The following CCDC171 variants were observed in gnomAD, a reference collection of about 807,000 sequenced individuals.
CCDC171 encodes the protein coiled-coil domain containing 171, also known as coiled-coil domain-containing protein 171.
CCDC171 carries 177 observed loss-of-function variants against 168.2 expected under a neutral mutation model. That is an observed-to-expected ratio of 1.05 (90% CI 0.93 to 1.19). CCDC171 has a LOEUF of 1.19. Ranked by LOEUF, CCDC171 falls within the 50% of genes most tolerant of loss-of-function variation. The probability of loss-of-function intolerance (pLI) is 0.00; values close to 1 mark genes in which losing one functional copy is unlikely to be tolerated. For synonymous variants in CCDC171, 687 were observed against 540.8 expected, an observed-to-expected ratio of 1.27 and a Z score of -3.75; for missense variants, 1,991 against 1,539.0, an observed-to-expected ratio of 1.29 and a Z score of -4.91.
intron 21 of CCDC171, among the ~76,000 whole-genome samples, chr9:15,790,732 C>G (rs1387881345): frequency 6.6e-6 from 1 of 152,124 alleles, no homozygotes; most frequent in Non-Finnish European, 1.5e-5. Flanking sequence ...GGTTTCAGGT[C>G]TAACATTTAA....
At chr9:15,802,886 G>T (rs1205480410) in intron 21 of CCDC171, among the ~76,000 whole-genome samples, 1 of 152,192 alleles carries the variant, frequency 6.6e-6, no homozygotes, top group South Asian at 2.1e-4. Context: ...GTATAAAAAT[G>T]TTCCTTTTTC....
chr9:16,105,591 C>T, the CCDC171 span, among the ~76,000 whole-genome samples: 85 of 152,294 alleles, frequency 5.6e-4, no homozygotes, highest in African/African-American at 1.9e-3. Flanking sequence ...ACAGCAAACC[C>T]GTCACGGGCC....
intron 23 of CCDC171, among the ~76,000 whole-genome samples, chr9:15,860,535 T>C (rs1490586206): frequency 6.6e-6 from 1 of 152,060 alleles, no homozygotes; most frequent in Non-Finnish European, 1.5e-5. Context: ...TGTTCAAAAA[T>C]TTATTTCTAT....
At chr9:15,757,844 C>G (rs1422741211) in intron 18 of CCDC171, among the ~76,000 whole-genome samples, 1 of 152,302 alleles carries the variant, frequency 6.6e-6, no homozygotes, top group East Asian at 1.9e-4. Context: ...GTGCAAGCCC[C>G]AAGCCTTGGC....
intron 7 of CCDC171, among the ~76,000 whole-genome samples, chr9:15,649,903 A>T (rs2047368250): frequency 6.6e-6 from 1 of 152,242 alleles, no homozygotes; most frequent in African/African-American, 2.4e-5. Context: ...TACTGGGTAT[A>T]CACCCAAAGG....
chr9:15,755,733 T>A (rs1056422919), intron 18 of CCDC171, among the ~76,000 whole-genome samples: 2 of 152,188 alleles, frequency 1.3e-5, no homozygotes, highest in Non-Finnish European at 2.9e-5. Flanking sequence ...TTATTTGAAA[T>A]GTCCAGAGTA....
rs544285939 is a variant in CCDC171, at chr9:15,648,199, C to A, written c.823-8928C>A. On this transcript the variant is annotated intron_variant, in intron 7 of 25. Transcript: ENST00000380701. Reference sequence around the variant, plus strand: ...AAGGCCTTTGGCAAAATTCAACAGCCCTTCATGCTAAAAACTCTCAATAAA... The same window carrying A: ...AAGGCCTTTGGCAAAATTCAACAGCACTTCATGCTAAAAACTCTCAATAAA... 3.2e-4 allele frequency among the ~76,000 whole-genome samples: 49 copies of A among 152,240 alleles called. 2 individuals carry two copies. In the South Asian group the frequency reaches 9.1e-3, roughly 28 times the overall value.
At chr9:15,786,533 A>C (rs999167414) in intron 21 of CCDC171, among the ~76,000 whole-genome samples, 8 of 152,070 alleles carry the variant, frequency 5.3e-5, no homozygotes, top group African/African-American at 1.9e-4. Context: ...TTTTTTACTT[A>C]CTTCAAACAC....
At chr9:15,990,984 T>A (rs1011230207) in intron 3 of CCDC171, among the ~76,000 whole-genome samples, 1 of 152,152 alleles carries the variant, frequency 6.6e-6, no homozygotes, top group Non-Finnish European at 1.5e-5. Flanking sequence ...ATGGGAGACT[T>A]TAACACCCCG....
intron 21 of CCDC171, among the ~76,000 whole-genome samples, chr9:15,836,417 G>A (rs2060453047): frequency 6.6e-6 from 1 of 152,108 alleles, no homozygotes; most frequent in Non-Finnish European, 1.5e-5. Flanking sequence ...CCAGGCTGGA[G>A]TGCAGTGGCG....
chr9:15,666,890 C>T (rs1481624394), intron 9 of CCDC171, among the ~76,000 whole-genome samples: 1 of 152,152 alleles, frequency 6.6e-6, no homozygotes, highest in Non-Finnish European at 1.5e-5. Context: ...ATAGCAGTAA[C>T]ACTACTACTA....
At chr9:15,893,750 G>C (rs1247435114) in intron 24 of CCDC171, among the ~76,000 whole-genome samples, 1 of 152,106 alleles carries the variant, frequency 6.6e-6, no homozygotes, top group East Asian at 1.9e-4. Context: ...GTGCCAGTTA[G>C]AAAGGCTATT....
Position 15,926,268 on chromosome 9 carries a change from T to G in CCDC171, c.3753+5846T>G, listed in dbSNP as rs184864970. On this transcript the variant is annotated intron_variant, in intron 25 of 25. Coordinates refer to ENST00000380701, the MANE Select transcript of CCDC171 (RefSeq NM_173550.4). ...TAGTACATATGTTTAATGAATGAAA[T>G]TATCATTTTGTATAATAGGAAATGT... Among the ~76,000 whole-genome samples the G allele has an allele frequency of 1.1e-4, 16 of 151,760 alleles. No homozygotes were observed. In the East Asian group the frequency reaches 3.1e-3, roughly 30 times the overall value.
At chr9:15,687,546 A>G (rs939814659) in intron 10 of CCDC171, among the ~76,000 whole-genome samples, 2 of 152,220 alleles carry the variant, frequency 1.3e-5, no homozygotes, top group Non-Finnish European at 2.9e-5. Flanking sequence ...TAACAAGGAA[A>G]TAAAAGAAAT....
intron 3 of CCDC171, among the ~76,000 whole-genome samples, chr9:15,578,458 C>T (rs2040850887): frequency 6.9e-6 from 1 of 144,668 alleles, no homozygotes; most frequent in African/African-American, 2.6e-5. Context: ...ATTATTGAGA[C>T]AGGGTCTGCC....
chr9:15,669,862 T>G (rs553090110), intron 9 of CCDC171, among the ~76,000 whole-genome samples: 1 of 151,622 alleles, frequency 6.6e-6, no homozygotes, highest in African/African-American at 2.4e-5. Context: ...CTTAGTAGCA[T>G]TATTTTTGTT....
chr9:15,735,219 G>A (rs2054414070), intron 16 of CCDC171, among the ~76,000 whole-genome samples: 1 of 152,168 alleles, frequency 6.6e-6, no homozygotes, highest in Non-Finnish European at 1.5e-5. Flanking sequence ...GGTAAAGTTT[G>A]CTAGCCACAT....
At chr9:15,712,077 A>C (rs2052711576) in intron 11 of CCDC171, among the ~76,000 whole-genome samples, 2 of 152,232 alleles carry the variant, frequency 1.3e-5, no homozygotes, top group Non-Finnish European at 2.9e-5. Flanking sequence ...AAGCAAGAGA[A>C]GATTGATGTT....
chr9:15,927,750 T>C (rs1826050771), intron 25 of CCDC171, among the ~76,000 whole-genome samples: 1 of 151,650 alleles, frequency 6.6e-6, no homozygotes, highest in African/African-American at 2.4e-5. Context: ...CTCTTTCTCT[T>C]AAGTTCCAAA....
Sources: gnomAD v4.1 joint callset for allele counts (sites outside exome capture counted in the v4.1 genomes callset) on GRCh38, gnomAD v4.1.1 for gene constraint, MANE v1.5 for transcripts, NCBI Gene and HGNC (gene_info 2026-07-23, HGNC 2026-07-21) for gene names.